AKIRIN1: variants seen among roughly 807,000 people sequenced by gnomAD.
AKIRIN1 encodes akirin 1.
In AKIRIN1, 4 loss-of-function variants were observed where a neutral mutation model predicts 25.9. The observed-to-expected ratio is 0.15, with a 90% CI of 0.08 to 0.35. The LOEUF is 0.35. AKIRIN1 is among the 10% of genes least tolerant of loss of function. The pLI is 1.00. For missense variants in AKIRIN1, 243 were observed against 266.1 expected (o/e 0.91, Z 0.61); for synonymous variants, 125 against 105.1 (o/e 1.19, Z -1.16).
At chr1:39,002,195 G>A (rs902741796) in intron 3 of AKIRIN1, among the ~76,000 whole-genome samples, 3 of 152,198 alleles carry the variant, frequency 2.0e-5, no homozygotes, top group Non-Finnish European at 4.4e-5. Flanking sequence ...TGCTTAGGGT[G>A]ACAGTGTGAG....
At position 38,991,324 on chromosome 1, in the gene AKIRIN1, G is replaced by T. The variant is rs1205521123; in HGVS notation, c.-57G>T. 5.4e-6 allele frequency: 7 copies of T among 1,292,660 alleles called. No homozygotes were observed. In the South Asian group the frequency reaches 6.3e-5, roughly 12 times the overall value. The allele number at this position is 1,292,660 out of a possible 1,614,324, so 80.1% of individuals were successfully genotyped here. ...CTTGGCTGGCGAGCCCGGCTGAGGA[G>T]CCTCTTGGGCCGCACTTACCGCCGC... On this transcript the variant is annotated 5_prime_UTR_variant, in exon 1 of 5. Coordinates refer to ENST00000432648, the MANE Select transcript of AKIRIN1 (RefSeq NM_024595.3).
At chr1:38,999,842 GTT>G (rs368454771) in intron 2 of AKIRIN1, among the ~76,000 whole-genome samples, 1 of 151,506 alleles carries the variant, frequency 6.6e-6, no homozygotes, top group Non-Finnish European at 1.5e-5. Flanking sequence ...TGCTGCCCAT[GTT>G]TTTTTGTTTT....
At chr1:38,997,539 T>G (rs1281254277) in intron 1 of AKIRIN1, among the ~76,000 whole-genome samples, 4 of 151,434 alleles carry the variant, frequency 2.6e-5, no homozygotes, top group East Asian at 3.9e-4. Context: ...TCCCTTGTGG[T>G]TTTTTTTTGA....
rs1643902767 is a variant in AKIRIN1, at chr1:38,991,322, G to T, written c.-59G>T. ...GGCTTGGCTGGCGAGCCCGGCTGAG[G>T]AGCCTCTTGGGCCGCACTTACCGCC... On this transcript the variant is annotated 5_prime_UTR_variant, in exon 1 of 5. Transcript: ENST00000432648. The T allele has an allele frequency of 7.7e-7, 1 of 1,290,508 alleles. No homozygotes were observed. Among genetic ancestry groups the T allele is most frequent in the Non-Finnish European group, 9.9e-7 (1 of 1,014,200 alleles). The allele number at this position is 1,290,508 out of a possible 1,614,324, so 79.9% of individuals were successfully genotyped here. A position where few individuals can be genotyped will look rare whatever the true frequency, so the allele number is the denominator to read the frequency against.
rs560643568 is a variant in AKIRIN1, at chr1:39,003,107, A to G, written c.497-240A>G. Among the ~76,000 whole-genome samples the G allele has an allele frequency of 2.0e-5, 3 of 152,312 alleles. No individual in the cohort carries two copies. The East Asian group carries it at 5.8e-4, about 29-fold the overall frequency. On this transcript the variant is annotated intron_variant, in intron 3 of 4. Coordinates refer to ENST00000432648, the MANE Select transcript of AKIRIN1 (RefSeq NM_024595.3). Reference sequence around the variant, plus strand: ...GTCACGGGGGAGAGGTTATCAGGAAAATACCATTATATACCATCAGTGACC... The same window carrying G: ...GTCACGGGGGAGAGGTTATCAGGAAGATACCATTATATACCATCAGTGACC...
At chr1:39,001,814 A>C (rs574295477) in intron 3 of AKIRIN1, among the ~76,000 whole-genome samples, 1 of 152,308 alleles carries the variant, frequency 6.6e-6, no homozygotes, top group South Asian at 2.1e-4. Flanking sequence ...CTGGCTGGTA[A>C]ACAGATGGTT....
chr1:39,002,741 G>A (rs888806012), intron 3 of AKIRIN1, among the ~76,000 whole-genome samples: 4 of 151,176 alleles, frequency 2.6e-5, no homozygotes, highest in Non-Finnish European at 5.9e-5. Flanking sequence ...AAAAAAAAAA[G>A]AAGAAGCTCT....
At chr1:38,992,243 A>C (rs1643912093) in intron 1 of AKIRIN1, among the ~76,000 whole-genome samples, 1 of 152,206 alleles carries the variant, frequency 6.6e-6, no homozygotes, top group Non-Finnish European at 1.5e-5. Flanking sequence ...ATCCTACGAC[A>C]TACGGAGGTT....
chr1:39,001,011 T>C lies in AKIRIN1; in HGVS notation c.401T>C (p.Leu134Pro). Residue 134 changes from leucine (L) to proline (P), a missense_variant, in exon 3 of 5, where the codon CTC becomes CCC. By Grantham distance (98) the Leu-to-Pro change is moderately conservative (BLOSUM62 -3). Transcript: ENST00000432648. Reference protein sequence around the residue: ...WMKKDQPTFTLRQVGIICERL... With the variant: ...WMKKDQPTFTPRQVGIICERL... Reference sequence around the variant, plus strand: ...AAGAAGGACCAGCCCACATTTACCCTCCGACAAGTTGGCATAATATGTGAG... The same window carrying C: ...AAGAAGGACCAGCCCACATTTACCCCCCGACAAGTTGGCATAATATGTGAG... 1 of 1,613,670 alleles carries C rather than the reference T, an allele frequency of 6.2e-7. No homozygotes were observed. The highest frequency in any genetic ancestry group is 8.5e-7 in the Non-Finnish European group (1 of 1,179,854).
chr1:38,999,382 T>C (rs1643971306), intron 2 of AKIRIN1, among the ~76,000 whole-genome samples: 1 of 152,230 alleles, frequency 6.6e-6, no homozygotes, highest in Non-Finnish European at 1.5e-5. Flanking sequence ...ATGGAAGTGT[T>C]CTGGAACTAG....
intron 2 of AKIRIN1, among the ~76,000 whole-genome samples, chr1:38,998,912 G>C (rs1643968162): frequency 6.6e-6 from 1 of 152,164 alleles, no homozygotes; most frequent in East Asian, 1.9e-4. Flanking sequence ...TGTTCCTCAG[G>C]TTCAGTAGTC....
At chr1:38,994,159 T>G (rs1485273949) in intron 1 of AKIRIN1, among the ~76,000 whole-genome samples, 1 of 152,136 alleles carries the variant, frequency 6.6e-6, no homozygotes, top group Admixed American at 6.6e-5. Flanking sequence ...AAATTGAGTG[T>G]CAATATGACA....
intron 1 of AKIRIN1, among the ~76,000 whole-genome samples, chr1:38,993,128 C>T (rs1340083455): frequency 6.6e-6 from 1 of 152,214 alleles, no homozygotes; most frequent in Non-Finnish European, 1.5e-5. Flanking sequence ...TGTTGAAGAA[C>T]CCTCAAGATA....
chr1:39,002,304 G>A (rs997951214), intron 3 of AKIRIN1, among the ~76,000 whole-genome samples: 4 of 152,176 alleles, frequency 2.6e-5, no homozygotes, highest in African/African-American at 7.2e-5. Context: ...TTGTTTCCTA[G>A]TCTGGTGACC....
intron 1 of AKIRIN1, among the ~76,000 whole-genome samples, chr1:38,993,687 C>T (rs879260404): frequency 8.6e-5 from 13 of 151,512 alleles, no homozygotes; most frequent in Admixed American, 8.6e-4. Flanking sequence ...ACCTGCAATC[C>T]CAGCACTTTG....
chr1:38,996,594 A>G (rs1046699041), intron 1 of AKIRIN1, among the ~76,000 whole-genome samples: 6 of 151,856 alleles, frequency 4.0e-5, no homozygotes, highest in Non-Finnish European at 8.8e-5. Flanking sequence ...CAGTGGCACA[A>G]TCTCGGCTCA....
At chr1:38,999,935 T>G (rs1299244723) in intron 2 of AKIRIN1, among the ~76,000 whole-genome samples, 1 of 152,042 alleles carries the variant, frequency 6.6e-6, no homozygotes, top group Non-Finnish European at 1.5e-5. Context: ...CAGGCTGGAG[T>G]GCAGTGGCGT....
At chr1:38,995,377 G>A (rs1006224048) in intron 1 of AKIRIN1, among the ~76,000 whole-genome samples, 16 of 152,216 alleles carry the variant, frequency 1.1e-4, no homozygotes, top group African/African-American at 3.1e-4. Flanking sequence ...GGCTTAGACC[G>A]GAAAAAATCT....
Position 39,004,351 on chromosome 1 carries a change from A to G in AKIRIN1, c.*296A>G, listed in dbSNP as rs1266638197. On this transcript the variant is annotated 3_prime_UTR_variant, in exon 5 of 5. Transcript: ENST00000432648. ...ATATGCCTTCAGTGGCATTCAACAA[A>G]TGGAGTTTCCCCAAGCACAGTTCTG... 2 of 555,148 alleles carry G rather than the reference A, an allele frequency of 3.6e-6. No individual in the cohort carries two copies. Among genetic ancestry groups the G allele is most frequent in the Admixed American group, 5.2e-5 (2 of 38,520 alleles). The allele number at this position is 555,148 out of a possible 1,614,324, so 34.4% of individuals were successfully genotyped here.
Sources: gnomAD v4.1 joint callset for allele counts (sites outside exome capture counted in the v4.1 genomes callset) on GRCh38, gnomAD v4.1.1 for gene constraint, MANE v1.5 for transcripts, NCBI Gene and HGNC (gene_info 2026-07-23, HGNC 2026-07-21) for gene names.